Variants in ATP2B1 observed in about 807,000 individuals in gnomAD.
ATP2B1 encodes the protein ATPase plasma membrane Ca2+ transporting 1.
A neutral mutation model predicts 124.2 loss-of-function variants in ATP2B1; 14 were observed. The ratio of observed to expected loss-of-function variants is 0.11; its 90% confidence interval spans 0.07 to 0.18. The LOEUF (loss-of-function observed/expected upper bound fraction) is 0.18, where lower values mean the gene tolerates loss of function less well. Among genes scored for constraint, ATP2B1 ranks in the 10% least tolerant of loss-of-function variants. The probability of loss-of-function intolerance (pLI) is 1.00; values close to 1 mark genes in which losing one functional copy is unlikely to be tolerated. For synonymous variants in ATP2B1, 449 were observed against 492.4 expected (o/e 0.91, Z 1.17); for missense variants, 763 against 1,466.1 (o/e 0.52, Z 7.83).
chr12:89,678,927 T>C (rs999265380), intron 1 of ATP2B1, among the ~76,000 whole-genome samples: 20 of 152,168 alleles, frequency 1.3e-4, no homozygotes, highest in African/African-American at 4.8e-4. Context: ...ATAAAGTTCC[T>C]CTGTTGCTGA....
chr12:89,659,547 A>C (rs1027046819), intron 1 of ATP2B1, among the ~76,000 whole-genome samples: 1 of 152,250 alleles, frequency 6.6e-6, no homozygotes, highest in Admixed American at 6.5e-5. Context: ...ACTAGAGCTC[A>C]TAAAGAGGTT....
intron 2 of ATP2B1, among the ~76,000 whole-genome samples, chr12:89,646,064 T>C (rs578201868): frequency 2.0e-5 from 3 of 152,022 alleles, no homozygotes; most frequent in African/African-American, 7.2e-5. Flanking sequence ...GGATGTAGGA[T>C]GAAAGGGAAA....
intron 1 of ATP2B1, among the ~76,000 whole-genome samples, chr12:89,676,332 GGT>G (rs1888601096): frequency 6.6e-6 from 1 of 152,128 alleles, no homozygotes; most frequent in African/African-American, 2.4e-5. Context: ...TAGAATTACT[GGT>G]GATGTATTTT....
At chr12:89,708,979 G>A (rs1243031369), upstream of ATP2B1, 1 of 151,268 alleles carries the variant, frequency 6.6e-6, no homozygotes, top group African/African-American at 2.4e-5. Context: ...AGGGCGCGCC[G>A]CGCTCGCTCG....
At chr12:89,643,229 CGT>C (rs1298338295) in intron 2 of ATP2B1, among the ~76,000 whole-genome samples, 1 of 148,890 alleles carries the variant, frequency 6.7e-6, no homozygotes, top group Admixed American at 6.7e-5. Flanking sequence ...TATGTATATA[CGT>C]ATATATATGT....
intron 1 of ATP2B1, among the ~76,000 whole-genome samples, chr12:89,676,694 G>C (rs1888650644): frequency 6.6e-6 from 1 of 152,036 alleles, no homozygotes; most frequent in East Asian, 1.9e-4. Context: ...TCTTCCCTAA[G>C]GGAAGACACT....
At chr12:89,635,353 A>C in intron 3 of ATP2B1, 102 bp from the exon 4 acceptor site, 1 of 1,308,154 alleles carries the variant, frequency 7.6e-7, no homozygotes. Context: ...TATGTTTATC[A>C]ATTTTACTTA....
chr12:89,621,671 G>C lies in ATP2B1; in HGVS notation c.1465C>G (p.Gln489Glu). Residue 489 changes from glutamine (Q) to glutamate (E), a missense_variant, in exon 10 of 21, where the codon CAA becomes GAA. Gln to Glu is a conservative substitution (Grantham distance 29, BLOSUM62 2). Transcript: ENST00000428670. ...TAATGTTTTTCATTTATGTAAGCTT[G>C]AACGACTGTCATTCTGTTCATTGTC... Reference protein sequence around the residue: ...TLTMNRMTVVQAYINEKHYKK... With the variant: ...TLTMNRMTVVEAYINEKHYKK... 6.2e-7 allele frequency: 1 copy of C among 1,611,868 alleles called. No individual in the cohort carries two copies. Among genetic ancestry groups the C allele is most frequent in the Non-Finnish European group, 8.5e-7 (1 of 1,178,800 alleles).
At chr12:89,635,596 T>C in intron 3 of ATP2B1, among the ~76,000 whole-genome samples, 1 of 152,142 alleles carries the variant, frequency 6.6e-6, no homozygotes, top group East Asian at 1.9e-4. Flanking sequence ...ATTCCAGAGT[T>C]ATTGTGAGGA....
chr12:89,623,300 T>C (rs1399075039), intron 9 of ATP2B1, among the ~76,000 whole-genome samples: 3 of 151,796 alleles, frequency 2.0e-5, no homozygotes, highest in Admixed American at 6.6e-5. Context: ...TTATAATTTT[T>C]TACCTGCAAG....
chr12:89,632,708 A>C (rs1436845008), intron 5 of ATP2B1, among the ~76,000 whole-genome samples: 1 of 152,250 alleles, frequency 6.6e-6, no homozygotes, highest in Non-Finnish European at 1.5e-5. Flanking sequence ...AAATTTAAAA[A>C]TAAATGCATG....
At chr12:89,651,854 G>A (rs528782579) in intron 2 of ATP2B1, among the ~76,000 whole-genome samples, 12 of 151,914 alleles carry the variant, frequency 7.9e-5, no homozygotes, top group Admixed American at 2.6e-4. Context: ...TTGTCCTGAG[G>A]GTTCTTTGGC....
At chr12:89,686,058 C>T (rs1390641810) in intron 1 of ATP2B1, among the ~76,000 whole-genome samples, 1 of 152,108 alleles carries the variant, frequency 6.6e-6, no homozygotes, top group Non-Finnish European at 1.5e-5. Context: ...AGCAGACTAA[C>T]AGATCCACTT....
rs528892645 is a variant in ATP2B1, at chr12:89,670,519, T to C, written c.-221-14412A>G. ...CTGCCAGATGCTGAGGTTTGGAGTA[T>C]GAAAGATCCCGTCGTGCAAGTATTG... On this transcript the variant is annotated intron_variant, in intron 1 of 20. Transcript: ENST00000428670. Among the ~76,000 whole-genome samples, 50 of 152,180 alleles carry C rather than the reference T, an allele frequency of 3.3e-4. No individual in the cohort carries two copies. In the South Asian group the frequency reaches 7.7e-3, roughly 23 times the overall value.
At chr12:89,621,865 T>C in intron 9 of ATP2B1, 74 bp from the exon 10 acceptor site, 1 of 1,316,622 alleles carries the variant, frequency 7.6e-7, no homozygotes, top group Non-Finnish European at 1.0e-6. Flanking sequence ...AAAATGATTA[T>C]AAATTGTTTT....
chr12:89,709,273 C>G (rs1358143120), upstream of ATP2B1: 1 of 152,030 alleles, frequency 6.6e-6, no homozygotes, highest in East Asian at 1.9e-4. Context: ...CCGCTCCACG[C>G]TGGCGGCGCA....
chr12:89,588,544 T>G lies in ATP2B1; in HGVS notation c.*2440A>C, dbSNP rs982378023. 6.6e-6 allele frequency: 1 copy of G among 152,616 alleles called. No individual in the cohort carries two copies. The highest frequency in any genetic ancestry group is 1.5e-5 in the Non-Finnish European group (1 of 68,010). 9.5% of individuals were successfully genotyped at this position (152,616 alleles called of 1,614,324 possible). ...TACTATATAATGGGATCCAAGATCT[T>G]TAACAGCTTGCTTGCATTTTTTTCT... On this transcript the variant is annotated 3_prime_UTR_variant, in exon 21 of 21. Transcript: ENST00000428670.
intron 2 of ATP2B1, among the ~76,000 whole-genome samples, chr12:89,652,561 T>A (rs759708499): frequency 6.6e-6 from 1 of 152,238 alleles, no homozygotes; most frequent in East Asian, 1.9e-4. Context: ...GTACTTGCTG[T>A]CTAGTTCATT....
chr12:89,613,480 G>A (rs1878405001), intron 12 of ATP2B1, among the ~76,000 whole-genome samples: 1 of 152,104 alleles, frequency 6.6e-6, no homozygotes, highest in South Asian at 2.1e-4. Flanking sequence ...ACTGTGCTTA[G>A]GTCCTAGTGC....
Sources: allele counts gnomAD v4.1 joint callset (sites outside exome capture counted in the v4.1 genomes callset), GRCh38; gene constraint gnomAD v4.1.1; transcripts MANE v1.5; gene names NCBI Gene and HGNC (gene_info 2026-07-23, HGNC 2026-07-21).